ANKZF1: variants seen among roughly 807,000 people sequenced by gnomAD.
ANKZF1 encodes tRNA endonuclease ANKZF1.
Under a neutral mutation model 86.0 loss-of-function variants are expected in ANKZF1, and 84 were observed. That is an observed-to-expected ratio of 0.98 (90% CI 0.82 to 1.17). ANKZF1 has a LOEUF of 1.17. ANKZF1 is among the 50% of genes most tolerant of loss of function. The pLI is 0.00. For synonymous variants in ANKZF1, 331 were observed against 354.2 expected (o/e 0.93, Z 0.74); for missense variants, 893 against 918.4 (o/e 0.97, Z 0.36).
Position 219,232,519 on chromosome 2 carries a change from G to A in ANKZF1, c.394G>A (p.Asp132Asn). The A allele has an allele frequency of 6.2e-7, 1 of 1,614,218 alleles. No individual in the cohort carries two copies. Among genetic ancestry groups the A allele is most frequent in the Non-Finnish European group, 8.5e-7 (1 of 1,180,040 alleles). ...GDLSSISGSE[D>N]SDSASEEDLQ... ...TCTTTCCAGCATCTCGGGATCAGAA[G>A]ACTCAGACTCAGCCAGTGAGGAGGA... The change falls in exon 5 of 14, where the codon GAC (aspartate) becomes AAC (asparagine). Residue 132 changes from aspartate to asparagine, a missense_variant. Asp to Asn is a conservative substitution (Grantham distance 23, BLOSUM62 1). Transcript: ENST00000323348.
chr2:219,235,246 C>G lies in ANKZF1; in HGVS notation c.1625C>G (p.Ala542Gly), dbSNP rs776786551. Residue 542 changes from alanine to glycine, a missense_variant, in exon 10 of 14, where the codon GCA becomes GGA. Ala to Gly is a moderately conservative substitution (Grantham distance 60). Transcript: ENST00000323348. The stretch of plus-strand genomic sequence containing the variant: ...GGTGGCTTTACTCTCCTGCATGCAG[C>G]AGCTGCAGCTGGAAGAGGCTCAGTG... ...GSGGFTLLHAAAAAGRGSVVR... is the reference protein window; with the variant it reads ...GSGGFTLLHAGAAAGRGSVVR... The G allele has an allele frequency of 6.2e-7, 1 of 1,612,924 alleles. No individual in the cohort carries two copies. Among genetic ancestry groups the G allele is most frequent in the East Asian group, 2.2e-5 (1 of 44,874 alleles).
At position 219,232,653 on chromosome 2, in the gene ANKZF1, T is replaced by C; in HGVS notation, c.528T>C (p.Tyr176=). Residue 176 remains tyrosine, a synonymous_variant, in exon 5 of 14, where the codon TAT becomes TAC. Transcript: ENST00000323348. ...LFQNAQGQFL[Y]AYRCVLGPHQ... ...AGAATGCCCAGGGCCAGTTTCTTTA[T>C]GCCTACCGCTGTGTCCTAGGCCCTC... 1 of 1,614,194 alleles carries C rather than the reference T, an allele frequency of 6.2e-7. No homozygotes were observed. Among genetic ancestry groups the C allele is most frequent in the Non-Finnish European group, 8.5e-7 (1 of 1,180,030 alleles).
rs1233564255 is a variant in ANKZF1 at position 219,236,576 on chromosome 2, G to A, written c.*131G>A. On this transcript the variant is annotated 3_prime_UTR_variant, in exon 14 of 14. Coordinates refer to ENST00000323348, the MANE Select transcript of ANKZF1 (RefSeq NM_018089.3). ...GGGGTGAAGGACACTCGGGAACTAG[G>A]GCAAAGACAGGGCTAGAGGTATGTG... The A allele has an allele frequency of 1.1e-5, 13 of 1,200,622 alleles. No homozygotes were observed. Among genetic ancestry groups the A allele is most frequent in the African/African-American group, 3.1e-5 (2 of 65,400 alleles). The allele number at this position is 1,200,622 out of a possible 1,614,324, so 74.4% of individuals were successfully genotyped here.
At chr2:219,231,626 CTTCATGATCCGTCTGCCTTGGCCTCCCAA>C (rs1404179947) in intron 2 of ANKZF1, 1 of 306,058 alleles carries the variant, frequency 3.3e-6, no homozygotes. Context: ...GATCTCCTGA[CTTCATGATCCGTCTGCCTTGGCCTCCCAA>C]AGTGCTGGGA....
At position 219,236,537 on chromosome 2, in the gene ANKZF1, T is replaced by G. The variant is rs1951243839; in HGVS notation, c.*92T>G. On this transcript the variant is annotated 3_prime_UTR_variant, in exon 14 of 14. Transcript: ENST00000323348. The stretch of plus-strand genomic sequence containing the variant: ...TTTTTCTTCCCCGTGAAACCAGAGA[T>G]GATTTGGAAGATGGGGGTGAAGGAC... 6.8e-7 allele frequency: 1 copy of G among 1,479,318 alleles called. No homozygotes were observed. Among genetic ancestry groups the G allele is most frequent in the African/African-American group, 1.4e-5 (1 of 70,970 alleles). 91.6% of individuals were successfully genotyped at this position (1,479,318 alleles called of 1,614,324 possible). A position where few individuals can be genotyped will look rare whatever the true frequency, so the allele number is the denominator to read the frequency against.
chr2:219,230,412 T>G lies in ANKZF1; in HGVS notation c.148+7T>G, dbSNP rs1443991323. On this transcript the variant is annotated splice_region_variant and intron_variant, in intron 2 of 13. Coordinates refer to ENST00000323348, the MANE Select transcript of ANKZF1 (RefSeq NM_018089.3). ...CCGCGTACTTCCTGTTCAGGTATCC[T>G]GGAAGGTTTCGTGTGAAACGTGACA... The G allele has an allele frequency of 1.3e-6, 2 of 1,598,080 alleles. No homozygotes were observed. Among genetic ancestry groups the G allele is most frequent in the Admixed American group, 3.4e-5 (2 of 58,786 alleles).
chr2:219,232,876 A>C (rs1951084348), intron 5 of ANKZF1, 193 bp downstream of exon 5: 4 of 834,124 alleles, frequency 4.8e-6, no homozygotes, highest in Non-Finnish European at 7.4e-6. Flanking sequence ...TTAAGTTTGG[A>C]AACAAACCAA....
chr2:219,236,290 C>G (rs1035816168), intron 13 of ANKZF1, 32 bp from the exon 14 acceptor site: 1 of 1,613,372 alleles, frequency 6.2e-7, no homozygotes, highest in East Asian at 2.2e-5. Context: ...TTCTGGGGTA[C>G]CTGTCCAGCC....
chr2:219,235,815 G>C lies in ANKZF1; in HGVS notation c.1911G>C (p.Glu637Asp), dbSNP rs1951201797. 6.2e-7 allele frequency: 1 copy of C among 1,614,164 alleles called. No individual in the cohort carries two copies. The highest frequency in any genetic ancestry group is 8.5e-7 in the Non-Finnish European group (1 of 1,179,980). ...AGGAACAGCAGCAGAGGCAGCAGGAGCAGGAGGAGCGTGAACGAGAAGAGC... is the reference window on the plus strand; with the variant it reads ...AGGAACAGCAGCAGAGGCAGCAGGACCAGGAGGAGCGTGAACGAGAAGAGC... ...QREEQQQRQQ[E>D]QEEREREEQR... is the part of the protein sequence containing the mutation. Residue 637 changes from glutamate (E) to aspartate (D), a missense_variant, in exon 12 of 14, where the codon GAG (glutamate) becomes GAC (aspartate). Glu to Asp is a conservative substitution (Grantham distance 45, BLOSUM62 2). Coordinates refer to ENST00000323348, the MANE Select transcript of ANKZF1 (RefSeq NM_018089.3).
intron 3 of ANKZF1, 71 bp from the exon 4 acceptor site, chr2:219,232,189 T>C: frequency 6.7e-7 from 1 of 1,498,636 alleles, no homozygotes; most frequent in Non-Finnish European, 9.3e-7. Context: ...ATACTATAAC[T>C]GGTCTTGGCC....
chr2:219,233,348 C>T lies in ANKZF1; in HGVS notation c.734C>T (p.Ala245Val). The change falls in exon 7 of 14, where the codon GCC becomes GTC. Residue 245 changes from alanine to valine, a missense_variant. By Grantham distance (64) the Ala-to-Val change is moderately conservative (BLOSUM62 0). Transcript: ENST00000323348. ...ACGGTTCGGGCCAAGCGGGGCACAG[C>T]CCAGGGGCTTCGGGATGCCCGAGGT... ...RYTVRAKRGT[A>V]QGLRDARGGP... 1.2e-6 allele frequency: 2 copies of T among 1,614,226 alleles called. No individual in the cohort carries two copies. Among genetic ancestry groups the T allele is most frequent in the Non-Finnish European group, 8.5e-7 (1 of 1,180,046 alleles).
chr2:219,235,275 C>T lies in ANKZF1; in HGVS notation c.1654C>T (p.Arg552Cys), dbSNP rs1305413947. 6.2e-6 allele frequency: 10 copies of T among 1,611,646 alleles called. No homozygotes were observed. The highest frequency in any genetic ancestry group is 8.5e-6 in the Non-Finnish European group (10 of 1,179,930). Residue 552 changes from arginine (R) to cysteine (C), a missense_variant, in exon 10 of 14, where the codon CGT becomes TGT. By Grantham distance (180) the Arg-to-Cys change is radical. Coordinates refer to ENST00000323348, the MANE Select transcript of ANKZF1 (RefSeq NM_018089.3). ...TGCAGCTGGAAGAGGCTCAGTGGTT[C>T]GTCTGCTGCTGGAAGCAGGTGCTGA... ...AAAAGRGSVV[R>C]LLLEAGADPT...
At position 219,236,595 on chromosome 2, in the gene ANKZF1, G is replaced by T. The variant is rs1951246117; in HGVS notation, c.*150G>T. 6.8e-6 allele frequency: 7 copies of T among 1,033,340 alleles called. No homozygotes were observed. The highest frequency in any genetic ancestry group is 1.7e-5 in the South Asian group (1 of 59,486). 64.0% of individuals were successfully genotyped at this position (1,033,340 alleles called of 1,614,324 possible). A position where few individuals can be genotyped will look rare whatever the true frequency, so the allele number is the denominator to read the frequency against. ...AACTAGGGCAAAGACAGGGCTAGAG[G>T]TATGTGGAGCTGGTACTGTCTCTGG... On this transcript the variant is annotated 3_prime_UTR_variant, in exon 14 of 14. Coordinates refer to ENST00000323348, the MANE Select transcript of ANKZF1 (RefSeq NM_018089.3).
At chr2:219,232,390 G>A in intron 4 of ANKZF1, 28 bp downstream of exon 4, 4 of 1,612,786 alleles carry the variant, frequency 2.5e-6, no homozygotes, top group South Asian at 1.1e-5. Flanking sequence ...GACCTATGTA[G>A]GAGTAGGACA....
At chr2:219,235,358 T>C (rs1951177417) in intron 10 of ANKZF1, 46 bp downstream of exon 10, 1 of 1,596,364 alleles carries the variant, frequency 6.3e-7, no homozygotes, top group Non-Finnish European at 8.5e-7. Context: ...ATAGAGAGGA[T>C]AATTTGGAGG....
At chr2:219,235,896 G>A (rs1387047103) in intron 12 of ANKZF1, 21 bp downstream of exon 12, 2 of 1,613,814 alleles carry the variant, frequency 1.2e-6, no homozygotes, top group African/African-American at 2.7e-5. Context: ...AGGTTCTCTT[G>A]TCCATGGCAA....
In ANKZF1 at chr2:219,233,380, TCA is replaced by T. The variant is rs747708253; in HGVS notation, c.770_771del (p.His257LeufsTer11). 1 of 1,614,228 alleles carries T rather than the reference TCA, an allele frequency of 6.2e-7. No individual in the cohort carries two copies. The highest frequency in any genetic ancestry group is 1.7e-5 in the Admixed American group (1 of 60,036). ...QGLRDARGGP[S>X]HSAGANLRRY... Reference sequence around the variant, plus strand: ...GCTTCGGGATGCCCGAGGTGGGCCATCACACTCTGCTGGAGCCAACCTGAGGC... The same window carrying T: ...GCTTCGGGATGCCCGAGGTGGGCCATCACTCTGCTGGAGCCAACCTGAGGC... On this transcript the variant is annotated frameshift_variant, in exon 7 of 14. Coordinates refer to ENST00000323348, the MANE Select transcript of ANKZF1 (RefSeq NM_018089.3). LOFTEE classifies it high-confidence loss of function.
chr2:219,230,136 C>A, intron 1 of ANKZF1, 92 bp from the exon 2 acceptor site: 4 of 1,064,420 alleles, frequency 3.8e-6, no homozygotes, highest in Non-Finnish European at 5.3e-6. Context: ...AGAAGTCTTG[C>A]GGTGCAGGAG....
chr2:219,233,729 G>A lies in ANKZF1; in HGVS notation c.834G>A (p.Leu278=), dbSNP rs201065897. 146 of 1,612,980 alleles carry A rather than the reference G, an allele frequency of 9.1e-5. No individual in the cohort carries two copies. The highest frequency in any genetic ancestry group is 1.7e-4 in the Middle Eastern group (1 of 6,020). Residue 278 remains leucine (L), a synonymous_variant, in exon 8 of 14, where the codon CTG becomes CTA. Coordinates refer to ENST00000323348, the MANE Select transcript of ANKZF1 (RefSeq NM_018089.3). The stretch of plus-strand genomic sequence containing the variant: ...CTCTTCTCTAGGATGTTCGTGACCT[G>A]CTGGCAGGGCCAAGCTGGGCTAAGG... ...EATLYKDVRD[L]LAGPSWAKAL...
Sources: allele counts gnomAD v4.1 joint callset, GRCh38; gene constraint gnomAD v4.1.1; transcripts MANE v1.5; gene names NCBI Gene and HGNC (gene_info 2026-07-23, HGNC 2026-07-21).